Variants in PIK3C2B observed in about 807,000 individuals in gnomAD.
PIK3C2B encodes phosphatidylinositol 4-phosphate 3-kinase C2 domain-containing subunit beta.
PIK3C2B carries 83 observed loss-of-function variants against 184.3 expected under a neutral mutation model. The ratio of observed to expected loss-of-function variants is 0.45; its 90% CI spans 0.38 to 0.54. The LOEUF (loss-of-function observed/expected upper bound fraction) is 0.54. PIK3C2B is among the 20% of genes least tolerant of loss of function. PIK3C2B has a pLI of 0.00. For synonymous variants in PIK3C2B, 779 were observed against 837.6 expected (o/e 0.93, Z 1.21); for missense variants, 1,736 against 2,113.5 (o/e 0.82, Z 3.50).
chr1:204,447,603 A>G lies in PIK3C2B; in HGVS notation c.2347-25T>C. On this transcript the variant is annotated intron_variant, in intron 14 of 32. Coordinates refer to ENST00000684373, the MANE Select transcript of PIK3C2B (RefSeq NM_001377334.1). The surrounding 1 kb of genome is among the most constrained non-coding windows in gnomAD (Gnocchi z 4.1). ...TCTGGGGGATGAGATCAGGGATGTG[A>G]GGAGAGAAAACAGGCAGCGTGTGTG... The G allele has an allele frequency of 6.3e-7, 1 of 1,587,736 alleles. No individual in the cohort carries two copies. The highest frequency in any genetic ancestry group is 8.6e-7 in the Non-Finnish European group (1 of 1,166,162).
At chr1:204,477,845 T>C (rs1021281987) in intron 1 of PIK3C2B, among the ~76,000 whole-genome samples, 15 of 152,302 alleles carry the variant, frequency 9.8e-5, no homozygotes, top group African/African-American at 3.6e-4. Flanking sequence ...AGACTACAAG[T>C]ATTCAGATGA....
chr1:204,441,495 A>C lies in PIK3C2B; in HGVS notation c.3225T>G (p.Gly1075=). ...CCTTGAAGATGACACGGATGTTCTC[A>C]CCCAGGGGATCCACATTTTGGAAGG... ...KLSFQNVDPL[G]ENIRVIFKCG... The change falls in exon 21 of 33, where the codon GGT becomes GGG. Residue 1075 remains glycine, a synonymous_variant. Transcript: ENST00000684373. 6.2e-7 allele frequency: 1 copy of C among 1,612,082 alleles called. No homozygotes were observed. The highest frequency in any genetic ancestry group is 8.5e-7 in the Non-Finnish European group (1 of 1,178,204).
At position 204,434,538 on chromosome 1, in the gene PIK3C2B, C is replaced by T. The variant is rs760547382; in HGVS notation, c.3587G>A (p.Arg1196Gln). 2.5e-6 allele frequency: 4 copies of T among 1,614,092 alleles called. No homozygotes were observed. Among genetic ancestry groups the T allele is most frequent in the South Asian group, 1.1e-5 (1 of 91,072 alleles). The change falls in exon 24 of 33, where the codon CGA becomes CAA. Residue 1196 changes from arginine to glutamine, a missense_variant. This residue lies in a region of PIK3C2B where 17 missense variants were observed against 57.2 expected (regional missense o/e 0.30). Transcript: ENST00000684373. ...VATYVLGICD[R>Q]HNDNIMLKTT... ...CTTCAGCATGATGTTGTCATTATGT[C>T]GGTCACAGATGCCCAAGACGTACGT...
chr1:204,432,934 G>A (rs1470921529), intron 26 of PIK3C2B, among the ~76,000 whole-genome samples: 5 of 152,210 alleles, frequency 3.3e-5, no homozygotes, highest in African/African-American at 9.7e-5. Context: ...AATATGAGGA[G>A]ACTGAATCAT....
At chr1:204,446,733 G>T (rs992549911) in intron 15 of PIK3C2B, among the ~76,000 whole-genome samples, 1 of 152,152 alleles carries the variant, frequency 6.6e-6, no homozygotes, top group African/African-American at 2.4e-5. Context: ...TCGGCAGAGT[G>T]GGGGAAGGGA....
At chr1:204,465,435 T>A in intron 2 of PIK3C2B, 116 bp from the exon 3 acceptor site, 4 of 681,996 alleles carry the variant, frequency 5.9e-6, no homozygotes, top group Non-Finnish European at 8.0e-6. Context: ...TCACTCGACA[T>A]CCAATGAAAG....
At chr1:204,479,447 T>G (rs1656961281) in intron 1 of PIK3C2B, among the ~76,000 whole-genome samples, 1 of 152,082 alleles carries the variant, frequency 6.6e-6, no homozygotes, top group Non-Finnish European at 1.5e-5. Context: ...CCGAGGGAAC[T>G]TCTTTACACA....
At chr1:204,484,557 A>C (rs1345153997) in intron 1 of PIK3C2B, among the ~76,000 whole-genome samples, 1 of 152,182 alleles carries the variant, frequency 6.6e-6, no homozygotes, top group Admixed American at 6.5e-5. Context: ...ACATAGTGAA[A>C]GCCCGTCCCT....
chr1:204,455,241 C>T (rs928469119), intron 11 of PIK3C2B, among the ~76,000 whole-genome samples: 1 of 152,146 alleles, frequency 6.6e-6, no homozygotes, highest in East Asian at 1.9e-4. Context: ...CAGAGAAGGC[C>T]CCGGTTTCCC....
chr1:204,427,074 T>C (rs993070005), intron 31 of PIK3C2B, among the ~76,000 whole-genome samples: 2 of 151,978 alleles, frequency 1.3e-5, no homozygotes, highest in African/African-American at 4.8e-5. Context: ...GAGGCGGAGG[T>C]TGCAGTAAGC....
rs375664232 is a variant in PIK3C2B at position 204,443,649 on chromosome 1, G to A, written c.2868-52C>T. ...AGGGCACTCCAGGGATCAAAGGCAAGGGTACAGGGGGAGACAGAGTCAGGC... is the reference window on the plus strand; with the variant it reads ...AGGGCACTCCAGGGATCAAAGGCAAAGGTACAGGGGGAGACAGAGTCAGGC... On this transcript the variant is annotated intron_variant, in intron 18 of 32. Coordinates refer to ENST00000684373, the MANE Select transcript of PIK3C2B (RefSeq NM_001377334.1). 572 of 1,530,928 alleles carry A rather than the reference G, an allele frequency of 3.7e-4. 1 individual carries two copies. The African/African-American group carries it at 6.6e-3, about 18-fold the overall frequency. The allele number at this position is 1,530,928 out of a possible 1,614,324, so 94.8% of individuals were successfully genotyped here.
intron 15 of PIK3C2B, 111 bp from the exon 16 acceptor site, chr1:204,446,255 G>A (rs558416360): frequency 3.6e-4 from 218 of 607,228 alleles, no homozygotes; most frequent in Non-Finnish European, 4.7e-4. Context: ...TGCACACACT[G>A]CAATTCAGCG....
Position 204,427,540 on chromosome 1 carries a change from T to C in PIK3C2B, c.4587+108A>G, listed in dbSNP as rs547256501. 109 of 730,268 alleles carry C rather than the reference T, an allele frequency of 1.5e-4. 2 individuals are homozygous for C. The highest frequency in any genetic ancestry group is 1.1e-3 in the South Asian group (73 of 63,636). 45.2% of individuals were successfully genotyped at this position (730,268 alleles called of 1,614,324 possible). On this transcript the variant is annotated intron_variant, in intron 31 of 32. Transcript: ENST00000684373. ...TTATAGGTCCATGGTGGATGCTCAG[T>C]AGACTGTGGTGGTTACCCATATGAC...
intron 1 of PIK3C2B, among the ~76,000 whole-genome samples, chr1:204,480,915 A>G (rs1172829633): frequency 2.6e-5 from 4 of 152,062 alleles, no homozygotes; most frequent in African/African-American, 9.7e-5. Context: ...AGCAAGCTAG[A>G]CTCAGAGTCT....
At chr1:204,442,443 C>T (rs944645145) in intron 20 of PIK3C2B, 83 bp downstream of exon 20, 6 of 878,762 alleles carry the variant, frequency 6.8e-6, no homozygotes, top group Non-Finnish European at 1.1e-5. Flanking sequence ...CTCAGCTCCT[C>T]GACCTTGCAT....
At position 204,469,096 on chromosome 1, in the gene PIK3C2B, G is replaced by A. The variant is rs754452084; in HGVS notation, c.707C>T (p.Thr236Ile). 5.0e-6 allele frequency: 8 copies of A among 1,614,076 alleles called. No homozygotes were observed. The South Asian group carries it at 7.7e-5, about 16-fold the overall frequency. The change falls in exon 2 of 33, where the codon ACT becomes ATT. Residue 236 changes from threonine to isoleucine, a missense_variant. Thr to Ile is a moderately conservative substitution (Grantham distance 89). Around this residue, in one of 8 missense-constraint regions of PIK3C2B, gnomAD observed 404 missense variants for 418.0 expected, o/e 0.97. Coordinates refer to ENST00000684373, the MANE Select transcript of PIK3C2B (RefSeq NM_001377334.1). ...VDYDGINDAI[T>I]RLNLKSTYDA... The stretch of plus-strand genomic sequence containing the variant: ...ATAGGTCGATTTCAAGTTGAGCCTA[G>A]TAATTGCATCATTGATACCATCATA...
At chr1:204,464,918 A>G (rs569231306) in intron 3 of PIK3C2B, among the ~76,000 whole-genome samples, 3 of 152,312 alleles carry the variant, frequency 2.0e-5, no homozygotes, top group South Asian at 4.1e-4. Context: ...TTAGTTCCAG[A>G]TAACACTCTT....
chr1:204,494,042 C>T (rs1233979892), intron 1 of PIK3C2B, among the ~76,000 whole-genome samples: 1 of 152,216 alleles, frequency 6.6e-6, no homozygotes, highest in African/African-American at 2.4e-5. Context: ...TCAGATCGCC[C>T]TGCAGCTGGG....
At chr1:204,441,658 G>T (rs758958180) in intron 20 of PIK3C2B, 95 bp from the exon 21 acceptor site, 92 of 706,782 alleles carry the variant, frequency 1.3e-4, no homozygotes, top group Admixed American at 2.1e-4. Context: ...CTGCCTCCCC[G>T]CTGCTGCCGG....
Sources: allele counts gnomAD v4.1 joint callset (sites outside exome capture counted in the v4.1 genomes callset), GRCh38; gene constraint gnomAD v4.1.1; regional missense constraint gnomAD v4.1.1; non-coding constraint Gnocchi (gnomAD v3.1); transcripts MANE v1.5; gene names NCBI Gene and HGNC (gene_info 2026-07-23, HGNC 2026-07-21).